The following PMP22 variants were observed in gnomAD, a reference collection of about 807,000 sequenced individuals.
PMP22 encodes peripheral myelin protein 22.
PMP22 carries 2 observed loss-of-function variants against 18.9 expected under a neutral mutation model. That is an observed-to-expected ratio of 0.11 (90% CI 0.04 to 0.33). PMP22 has a LOEUF of 0.33. PMP22 is among the 10% of genes least tolerant of loss of function. The pLI is 1.00. For missense variants in PMP22, 169 were observed against 202.2 expected (o/e 0.84, Z 1.00); for synonymous variants, 95 against 89.2 (o/e 1.07, Z -0.37).
intron 3 of PMP22, among the ~76,000 whole-genome samples, chr17:15,243,405 G>A (rs940649235): frequency 4.0e-5 from 6 of 151,180 alleles, no homozygotes; most frequent in Middle Eastern, 3.2e-3. Flanking sequence ...AACTGGAACT[G>A]GAAAAAAATC....
chr17:15,260,793 C>G (rs1020929152), intron 1 of PMP22, 32 bp from the exon 2 acceptor site: 1 of 1,382,476 alleles, frequency 7.2e-7, no homozygotes, highest in African/African-American at 1.4e-5. Context: ...TGAGGCCGAA[C>G]GCACTGGGCC....
intron 3 of PMP22, among the ~76,000 whole-genome samples, chr17:15,243,087 A>G (rs1907492847): frequency 6.6e-6 from 1 of 152,198 alleles, no homozygotes; most frequent in African/African-American, 2.4e-5. Flanking sequence ...AAAAATCCTT[A>G]AAAAGAGTGA....
chr17:15,259,235 G>C lies in PMP22; in HGVS notation c.79-42C>G, dbSNP rs183502751. On this transcript the variant is annotated intron_variant, in intron 2 of 4. Transcript: ENST00000312280. ...AGATATCCTGAGTCAGGGAGGGAGG[G>C]AGGAGTGAAGGAAAAGGGGAAGGAG... 61 of 1,479,502 alleles carry C rather than the reference G, an allele frequency of 4.1e-5. No homozygotes were observed. In the East Asian group the frequency reaches 1.3e-3, roughly 31 times the overall value. The allele number at this position is 1,479,502 out of a possible 1,614,324, so 91.6% of individuals were successfully genotyped here.
chr17:15,239,311 A>C, intron 4 of PMP22, 160 bp downstream of exon 4: 1 of 791,260 alleles, frequency 1.3e-6, no homozygotes, highest in South Asian at 1.5e-5. Flanking sequence ...ACAGGTACAC[A>C]CCCACACATA....
chr17:15,249,134 C>T (rs1313241805), intron 3 of PMP22, among the ~76,000 whole-genome samples: 3 of 152,184 alleles, frequency 2.0e-5, no homozygotes, highest in Admixed American at 1.3e-4. Context: ...AACCAATGCC[C>T]GTTTACAAGC....
rs768773339 is a variant in PMP22, at chr17:15,230,781, C to T, written c.*136G>A. ...TACATCTTCAATCAACAGCAACCCC[C>T]ACCTCCACTGCTTTCTGTTTGGTTT... On this transcript the variant is annotated 3_prime_UTR_variant, in exon 5 of 5. Transcript: ENST00000312280. 1.2e-6 allele frequency: 1 copy of T among 849,296 alleles called. No homozygotes were observed. The highest frequency in any genetic ancestry group is 1.9e-5 in the Admixed American group (1 of 53,562). 52.6% of individuals were successfully genotyped at this position (849,296 alleles called of 1,614,324 possible).
intron 4 of PMP22, among the ~76,000 whole-genome samples, chr17:15,235,036 T>C (rs1207359313): frequency 6.6e-6 from 1 of 152,178 alleles, no homozygotes; most frequent in Non-Finnish European, 1.5e-5. Flanking sequence ...CCCAGGCTGG[T>C]CTTGAACTCC....
chr17:15,237,676 G>A (rs571214891), intron 4 of PMP22, among the ~76,000 whole-genome samples: 6 of 152,228 alleles, frequency 3.9e-5, no homozygotes, highest in Non-Finnish European at 5.9e-5. Flanking sequence ...ACACTCAACC[G>A]TCCCTGTCAT....
chr17:15,230,068 CATTATA>C lies in PMP22; in HGVS notation c.*843_*848del, dbSNP rs1359902036. ...AGTGATGAAGGCTTTATGATTTACT[CATTATA>C]GTAATAATAGCAGCCTAGCTAGGTA... On this transcript the variant is annotated 3_prime_UTR_variant, in exon 5 of 5. Transcript: ENST00000312280. The C allele has an allele frequency of 6.6e-6, 1 of 152,612 alleles. No homozygotes were observed. The highest frequency in any genetic ancestry group is 2.4e-5 in the African/African-American group (1 of 41,446). The allele number at this position is 152,612 out of a possible 1,614,324, so 9.5% of individuals were successfully genotyped here.
chr17:15,231,870 G>T (rs1291655948), intron 4 of PMP22, among the ~76,000 whole-genome samples: 1 of 152,188 alleles, frequency 6.6e-6, no homozygotes, highest in African/African-American at 2.4e-5. Flanking sequence ...GCCCTTCGGT[G>T]TTGGAAAGAG....
At chr17:15,249,172 T>A (rs1908106978) in intron 3 of PMP22, among the ~76,000 whole-genome samples, 1 of 152,194 alleles carries the variant, frequency 6.6e-6, no homozygotes, top group Non-Finnish European at 1.5e-5. Context: ...TCCCTCTGCC[T>A]ACTGCAATTC....
intron 4 of PMP22, 90 bp downstream of exon 4, chr17:15,239,381 A>G (rs750543287): frequency 1.4e-5 from 20 of 1,457,046 alleles, no homozygotes; most frequent in Admixed American, 6.7e-5. Context: ...AACATCAGTC[A>G]TTCTGAGGCC....
At chr17:15,259,818 G>A (rs1162785699) in intron 2 of PMP22, among the ~76,000 whole-genome samples, 3 of 151,036 alleles carry the variant, frequency 2.0e-5, no homozygotes, top group African/African-American at 7.3e-5. Flanking sequence ...GCGTGGTGGC[G>A]GGCACCTGTA....
At chr17:15,232,182 T>C (rs1906418758) in intron 4 of PMP22, among the ~76,000 whole-genome samples, 1 of 151,970 alleles carries the variant, frequency 6.6e-6, no homozygotes, top group Non-Finnish European at 1.5e-5. Flanking sequence ...TGGGCTGCTG[T>C]TTTACTGGAC....
chr17:15,251,574 G>T (rs1908349924), intron 3 of PMP22: 1 of 153,866 alleles, frequency 6.5e-6, no homozygotes, highest in African/African-American at 2.4e-5. Context: ...TATTGCAGAG[G>T]GGTCTGTGGC....
Position 15,230,854 on chromosome 17 carries a change from T to C in PMP22, c.*63A>G. The C allele has an allele frequency of 1.3e-6, 2 of 1,575,228 alleles. No homozygotes were observed. The highest frequency in any genetic ancestry group is 1.7e-6 in the Non-Finnish European group (2 of 1,147,222). On this transcript the variant is annotated 3_prime_UTR_variant, in exon 5 of 5. Coordinates refer to ENST00000312280, the MANE Select transcript of PMP22 (RefSeq NM_000304.4). Reference sequence around the variant, plus strand: ...CTAGCTCTTTTTTCTTTGTCTGCTTTCTGTTTTCCCTTCCTCCCTTCCCTA... The same window carrying C: ...CTAGCTCTTTTTTCTTTGTCTGCTTCCTGTTTTCCCTTCCTCCCTTCCCTA...
intron 1 of PMP22, chr17:15,260,979 C>A (rs1909292911): frequency 3.2e-6 from 1 of 315,388 alleles, no homozygotes; most frequent in Non-Finnish European, 5.7e-6. Flanking sequence ...CCCAGCCGGG[C>A]CCGCCTGCAA....
intron 4 of PMP22, 41 bp from the exon 5 acceptor site, chr17:15,231,121 T>G: frequency 6.2e-7 from 1 of 1,606,594 alleles, no homozygotes; most frequent in Non-Finnish European, 8.5e-7. Flanking sequence ...GGAGAGTCCA[T>G]GGCAGAGCGG....
intron 2 of PMP22, 110 bp downstream of exon 2, chr17:15,260,540 G>A: frequency 1.1e-6 from 1 of 937,086 alleles, no homozygotes; most frequent in South Asian, 1.4e-5. Flanking sequence ...GGACGTCTGA[G>A]ACTTCCAACT....
Sources: gnomAD v4.1 joint callset for allele counts (sites outside exome capture counted in the v4.1 genomes callset) on GRCh38, gnomAD v4.1.1 for gene constraint, MANE v1.5 for transcripts, NCBI Gene and HGNC (gene_info 2026-07-23, HGNC 2026-07-21) for gene names.